The following XKR4 variants were observed in gnomAD, a reference collection of about 807,000 sequenced individuals.
XKR4 encodes the protein XK-related protein 4.
Under a neutral mutation model 53.9 loss-of-function variants are expected in XKR4, and 12 were observed. The observed-to-expected ratio is 0.22, with a 90% CI of 0.14 to 0.36. XKR4 has a LOEUF of 0.36. Among genes scored for constraint, XKR4 ranks in the 10% least tolerant of loss-of-function variants. The pLI is 1.00. For missense variants in XKR4, 799 were observed against 859.5 expected, an observed-to-expected ratio of 0.93 and a Z score of 0.88; for synonymous variants, 354 against 362.4, an observed-to-expected ratio of 0.98 and a Z score of 0.26.
intron 1 of XKR4, among the ~76,000 whole-genome samples, chr8:55,304,249 G>C (rs1484844202): frequency 6.6e-6 from 1 of 152,096 alleles, no homozygotes; most frequent in Non-Finnish European, 1.5e-5. Flanking sequence ...CCTTCATTTC[G>C]TTATGTACCC....
intron 1 of XKR4, among the ~76,000 whole-genome samples, chr8:55,215,074 T>A (rs1433348170): frequency 6.9e-6 from 1 of 145,882 alleles, no homozygotes; most frequent in African/African-American, 2.5e-5. Flanking sequence ...AGAGTATGGT[T>A]AAAAAAAAAA....
intron 2 of XKR4, among the ~76,000 whole-genome samples, chr8:55,461,214 A>T (rs1805651528): frequency 1.3e-5 from 2 of 152,228 alleles, no homozygotes; most frequent in African/African-American, 4.8e-5. Context: ...CCTAACTGGA[A>T]GGCACCCCCC....
intron 2 of XKR4, chr8:55,455,285 G>A (rs1171164517): frequency 6.1e-6 from 1 of 165,216 alleles, no homozygotes; most frequent in African/African-American, 2.4e-5. Flanking sequence ...CGGCGGCCCG[G>A]GCTCCAGACA....
intron 1 of XKR4, among the ~76,000 whole-genome samples, chr8:55,104,542 C>A (rs1816112354): frequency 6.6e-6 from 1 of 152,174 alleles, no homozygotes; most frequent in Non-Finnish European, 1.5e-5. Flanking sequence ...CCACAAACTT[C>A]TTTTTATTTA....
At chr8:55,378,473 T>C (rs1804182162) in intron 2 of XKR4, among the ~76,000 whole-genome samples, 1 of 152,148 alleles carries the variant, frequency 6.6e-6, no homozygotes, top group African/African-American at 2.4e-5. Context: ...AAAAGAAATA[T>C]TGAAAATCAA....
At chr8:55,111,811 A>G (rs577335080) in intron 1 of XKR4, among the ~76,000 whole-genome samples, 50 of 152,308 alleles carry the variant, frequency 3.3e-4, no homozygotes, top group East Asian at 1.2e-3. Flanking sequence ...CATTATGTCA[A>G]TGAGAAAAAT....
intron 2 of XKR4, chr8:55,453,934 C>A: frequency 1.5e-6 from 1 of 660,426 alleles, no homozygotes; most frequent in Admixed American, 2.0e-5. Context: ...GCACATTCAT[C>A]AGGAAATCGT....
chr8:55,439,553 C>T (rs1754871038), intron 2 of XKR4, among the ~76,000 whole-genome samples: 1 of 152,112 alleles, frequency 6.6e-6, no homozygotes, highest in African/African-American at 2.4e-5. Context: ...AATACAATTT[C>T]TGAAAGCAAA....
chr8:55,387,052 C>T (rs1186177858), intron 2 of XKR4, among the ~76,000 whole-genome samples: 1 of 152,222 alleles, frequency 6.6e-6, no homozygotes, highest in African/African-American at 2.4e-5. Flanking sequence ...TTGTCTCTTT[C>T]CCTGATCTCC....
chr8:55,202,341 C>T lies in XKR4; in HGVS notation c.806+99047C>T, dbSNP rs115717772. ...TACCGAGGGAGGCTGGGAGTTGCCTCGGGAGGTTTATAAAAAGGGCGAAGC... is the reference window on the plus strand; with the variant it reads ...TACCGAGGGAGGCTGGGAGTTGCCTTGGGAGGTTTATAAAAAGGGCGAAGC... On this transcript the variant is annotated intron_variant, in intron 1 of 2. Transcript: ENST00000327381. Among the ~76,000 whole-genome samples the T allele has an allele frequency of 2.5e-3, 383 of 152,182 alleles. 1 individual carries two copies. Among genetic ancestry groups the T allele is most frequent in the African/African-American group, 8.8e-3 (364 of 41,522 alleles).
chr8:55,140,840 G>T (rs981190327), intron 1 of XKR4, among the ~76,000 whole-genome samples: 2 of 152,168 alleles, frequency 1.3e-5, no homozygotes, highest in Admixed American at 1.3e-4. Context: ...AGTAATCTCT[G>T]TCAACTAAGA....
At chr8:55,246,237 A>T (rs1818284562) in intron 1 of XKR4, among the ~76,000 whole-genome samples, 1 of 152,196 alleles carries the variant, frequency 6.6e-6, no homozygotes, top group Non-Finnish European at 1.5e-5. Flanking sequence ...GGTCTGAAAG[A>T]GGACTTAGAG....
intron 2 of XKR4, chr8:55,452,316 G>A (rs1805461979): frequency 1.6e-6 from 1 of 643,082 alleles, no homozygotes; most frequent in Non-Finnish European, 2.9e-6. Context: ...CGCGGCCACC[G>A]GGAAGGAGCG....
chr8:55,205,152 CA>C lies in XKR4; in HGVS notation c.806+101862del, dbSNP rs1216329417. On this transcript the variant is annotated intron_variant, in intron 1 of 2. Transcript: ENST00000327381. Reference sequence around the variant, plus strand: ...CTTATATTTACTAAAACATAAACAGCAAAATAAAATTTTCCTTATTTTGAGT... The same window carrying C: ...CTTATATTTACTAAAACATAAACAGCAAATAAAATTTTCCTTATTTTGAGT... Among the ~76,000 whole-genome samples, 6 of 152,252 alleles carry C rather than the reference CA, an allele frequency of 3.9e-5. No individual in the cohort carries two copies. In the East Asian group the frequency reaches 1.2e-3, roughly 29 times the overall value.
chr8:55,239,028 C>T (rs777785082), intron 1 of XKR4, among the ~76,000 whole-genome samples: 2 of 152,156 alleles, frequency 1.3e-5, no homozygotes, highest in Non-Finnish European at 2.9e-5. Flanking sequence ...AATTTAAGTT[C>T]ATCTTTCCAT....
At position 55,500,443 on chromosome 8, in the gene XKR4, C is replaced by A. The variant is rs866032231; in HGVS notation, c.1007-22838C>A. ...ATTTTACCACATTGACAAGATCCACCCATTATTCTCTAAGCACTTATTAAG... is the reference window on the plus strand; with the variant it reads ...ATTTTACCACATTGACAAGATCCACACATTATTCTCTAAGCACTTATTAAG... On this transcript the variant is annotated intron_variant, in intron 2 of 2. Coordinates refer to ENST00000327381, the MANE Select transcript of XKR4 (RefSeq NM_052898.2). Among the ~76,000 whole-genome samples, 5 of 152,066 alleles carry A rather than the reference C, an allele frequency of 3.3e-5. No homozygotes were observed. In the South Asian group the frequency reaches 6.2e-4, roughly 19 times the overall value.
chr8:55,454,821 T>A, intron 2 of XKR4: 1 of 767,324 alleles, frequency 1.3e-6, no homozygotes, highest in East Asian at 2.5e-5. Context: ...GGGCGACAGG[T>A]GCGTAAGGCC....
At chr8:55,390,586 G>A (rs1162768234) in intron 2 of XKR4, among the ~76,000 whole-genome samples, 2 of 152,272 alleles carry the variant, frequency 1.3e-5, no homozygotes, top group East Asian at 1.9e-4. Context: ...TAGACTGTGG[G>A]CAGCAGGGCT....
intron 1 of XKR4, among the ~76,000 whole-genome samples, chr8:55,281,154 T>G (rs1177131036): frequency 6.6e-6 from 1 of 152,216 alleles, no homozygotes; most frequent in African/African-American, 2.4e-5. Flanking sequence ...GGTTTTAGTC[T>G]TTCCCTCTGC....
Sources: allele counts gnomAD v4.1 joint callset (sites outside exome capture counted in the v4.1 genomes callset), GRCh38; gene constraint gnomAD v4.1.1; transcripts MANE v1.5; gene names NCBI Gene and HGNC (gene_info 2026-07-23, HGNC 2026-07-21).